The following VPS53 variants were observed in gnomAD, a reference collection of about 807,000 sequenced individuals.
The protein encoded by VPS53 is VPS53 subunit of GARP complex.
In VPS53, 70 loss-of-function variants were observed where a neutral mutation model predicts 107.0. That is an observed-to-expected ratio of 0.65 (90% confidence interval 0.54 to 0.80). The LOEUF is 0.80. Ranked by LOEUF, VPS53 falls within the 30% of genes least tolerant of loss-of-function variation. VPS53 has a pLI of 0.00. For missense variants in VPS53, 917 were observed against 1,049.4 expected (o/e 0.87, Z 1.74); for synonymous variants, 409 against 393.3 (o/e 1.04, Z -0.47).
At position 664,364 on chromosome 17, in the gene VPS53, C is replaced by T. The variant is rs144698689; in HGVS notation, c.286-2469G>A. Among the ~76,000 whole-genome samples the T allele has an allele frequency of 5.5e-3, 831 of 152,190 alleles. 7 individuals are homozygous for T. The highest frequency in any genetic ancestry group is 0.017 in the African/African-American group (707 of 41,512). On this transcript the variant is annotated intron_variant, in intron 4 of 21. Coordinates refer to ENST00000437048, the MANE Select transcript of VPS53 (RefSeq NM_001128159.3). ...AAGTGCTGGGATTACAGACGTGAGC[C>T]GCCGCGCCCAGCCTGGAGTAAGAGG... is the stretch of plus-strand genomic sequence containing the variant.
In VPS53 at chr17:565,231, G is replaced by A. The variant is rs753418930; in HGVS notation, c.1314-2486C>T. ...AGCCTGACCAACATAGAGAAACCCCGTCTTCACTAAAAACACAAAAAATTA... is the reference window on the plus strand; with the variant it reads ...AGCCTGACCAACATAGAGAAACCCCATCTTCACTAAAAACACAAAAAATTA... On this transcript the variant is annotated intron_variant, in intron 13 of 21. Transcript: ENST00000437048. Among the ~76,000 whole-genome samples, 7 of 151,552 alleles carry A rather than the reference G, an allele frequency of 4.6e-5. No individual in the cohort carries two copies. The South Asian group carries it at 6.3e-4, about 14-fold the overall frequency.
chr17:679,366 T>C (rs1479335541), intron 4 of VPS53, among the ~76,000 whole-genome samples: 4 of 151,796 alleles, frequency 2.6e-5, no homozygotes, highest in African/African-American at 9.7e-5. Flanking sequence ...ATACAAAAAT[T>C]AGCCAGGCGT....
At chr17:700,551 CA>C (rs919689465) in intron 2 of VPS53, among the ~76,000 whole-genome samples, 6 of 150,374 alleles carry the variant, frequency 4.0e-5, no homozygotes, top group Admixed American at 6.6e-5. Flanking sequence ...AACTCTGTCT[CA>C]AAAAAAAATA....
chr17:702,513 A>C (rs1382038302), intron 2 of VPS53, among the ~76,000 whole-genome samples: 1 of 152,014 alleles, frequency 6.6e-6, no homozygotes, highest in Non-Finnish European at 1.5e-5. Context: ...AATACAAAAA[A>C]AAATTAGCCG....
At chr17:628,602 T>C (rs893893548) in intron 8 of VPS53, among the ~76,000 whole-genome samples, 3 of 152,142 alleles carry the variant, frequency 2.0e-5, no homozygotes, top group Non-Finnish European at 4.4e-5. Context: ...AGAGTGGGAA[T>C]GCCACCAGCC....
intron 13 of VPS53, among the ~76,000 whole-genome samples, chr17:574,566 A>G (rs886262069): frequency 2.0e-5 from 3 of 151,980 alleles, no homozygotes; most frequent in East Asian, 1.9e-4. Flanking sequence ...GGAGTTCGAG[A>G]CCAGCCTGGG....
intron 7 of VPS53, among the ~76,000 whole-genome samples, chr17:646,634 C>T (rs62053768): frequency 8.7e-4 from 63 of 72,618 alleles, no homozygotes; most frequent in East Asian, 1.5e-3. Context: ...CACACATCTC[C>T]GTGACCGCGT....
intron 11 of VPS53, among the ~76,000 whole-genome samples, chr17:622,821 T>G (rs1969526197): frequency 6.6e-6 from 1 of 151,826 alleles, no homozygotes. Flanking sequence ...TGCCTCAGCC[T>G]CCCAAGTGAT....
intron 4 of VPS53, among the ~76,000 whole-genome samples, chr17:688,099 T>C (rs1972655658): frequency 6.6e-6 from 1 of 152,090 alleles, no homozygotes; most frequent in Non-Finnish European, 1.5e-5. Context: ...GTGTTCCAAA[T>C]ATGCCGCAGA....
Position 537,030 on chromosome 17 carries a change from T to A in VPS53, c.2013A>T (p.Ala671=), listed in dbSNP as rs1289939588. 1 of 1,614,188 alleles carries A rather than the reference T, an allele frequency of 6.2e-7. No homozygotes were observed. Among genetic ancestry groups the A allele is most frequent in the Non-Finnish European group, 8.5e-7 (1 of 1,180,034 alleles). ...KYFTQFCVKF[A]NSFIPKFITH... ...GATGAGCACGCCCCAGGACTTACTT[T>A]GCAAATTTAACGCAGAACTGAGTGA... The change falls in exon 18 of 22, where the codon GCA becomes GCT. Residue 671 remains alanine (A), a splice_region_variant and synonymous_variant. Transcript: ENST00000437048.
intron 7 of VPS53, among the ~76,000 whole-genome samples, chr17:637,658 C>T (rs891484784): frequency 2.6e-5 from 4 of 152,162 alleles, no homozygotes; most frequent in African/African-American, 9.7e-5. Context: ...TTCATGTCTG[C>T]CTTCATTTCA....
chr17:542,219 T>TA (rs1252617111), intron 17 of VPS53, among the ~76,000 whole-genome samples: 1 of 152,238 alleles, frequency 6.6e-6, no homozygotes, highest in East Asian at 1.9e-4. Flanking sequence ...GAGGTATTAT[T>TA]ACTCCTCTTT....
intron 11 of VPS53, among the ~76,000 whole-genome samples, chr17:604,816 A>G (rs142070815): frequency 6.6e-6 from 1 of 152,300 alleles, no homozygotes; most frequent in East Asian, 1.9e-4. Context: ...TGCATTCCAC[A>G]TGTGGACCAA....
At chr17:543,961 G>C (rs1910943897) in intron 17 of VPS53, among the ~76,000 whole-genome samples, 1 of 119,726 alleles carries the variant, frequency 8.4e-6, no homozygotes, top group African/African-American at 3.3e-5. Context: ...AAGGAAGGGA[G>C]AGTGGGAGGA....
chr17:689,549 C>A (rs1450930325), intron 4 of VPS53, among the ~76,000 whole-genome samples: 5 of 147,406 alleles, frequency 3.4e-5, no homozygotes, highest in African/African-American at 1.2e-4. Context: ...TCTCAGCTCA[C>A]TGCAACCTCC....
chr17:650,253 G>C (rs1424841442), intron 7 of VPS53, among the ~76,000 whole-genome samples: 4 of 152,166 alleles, frequency 2.6e-5, no homozygotes, highest in Non-Finnish European at 5.9e-5. Flanking sequence ...CCAGCACTTT[G>C]GGAGGATGAG....
chr17:660,794 C>G (rs1336903560), intron 5 of VPS53, among the ~76,000 whole-genome samples: 5 of 152,188 alleles, frequency 3.3e-5, no homozygotes, highest in Non-Finnish European at 1.5e-5. Context: ...ACGTTTAATT[C>G]TCACAACAAC....
intron 16 of VPS53, chr17:552,794 G>A (rs2151839236): frequency 3.7e-6 from 1 of 273,926 alleles, no homozygotes; most frequent in Non-Finnish European, 6.9e-6. Flanking sequence ...CTTCTTAGTG[G>A]CCAGTAGGGA....
intron 16 of VPS53, 96 bp downstream of exon 16, chr17:553,284 G>A (rs1363879384): frequency 8.8e-7 from 1 of 1,132,724 alleles, no homozygotes; most frequent in Non-Finnish European, 1.3e-6. Context: ...AGAAAGGGCA[G>A]GCAGCGAGCA....
Sources: gnomAD v4.1 joint callset for allele counts (sites outside exome capture counted in the v4.1 genomes callset) on GRCh38, gnomAD v4.1.1 for gene constraint, MANE v1.5 for transcripts, NCBI Gene and HGNC (gene_info 2026-07-23, HGNC 2026-07-21) for gene names.